STOX2: variants seen among roughly 807,000 people sequenced by gnomAD.
STOX2 encodes storkhead-box protein 2.
Under a neutral mutation model 60.9 loss-of-function variants are expected in STOX2, and 28 were observed. That is an observed-to-expected ratio of 0.46 (90% CI 0.34 to 0.63). The LOEUF is 0.63. Among genes scored for constraint, STOX2 ranks in the 30% least tolerant of loss-of-function variants. The pLI, the probability that STOX2 is intolerant of heterozygous loss-of-function variation, is 0.01. For synonymous variants in STOX2, 472 were observed against 463.9 expected, an observed-to-expected ratio of 1.02 and a Z score of -0.22; for missense variants, 1,024 against 1,187.7, an observed-to-expected ratio of 0.86 and a Z score of 2.03.
chr4:183,975,855 A>G (rs939987644), intron 1 of STOX2, among the ~76,000 whole-genome samples: 3 of 152,218 alleles, frequency 2.0e-5, no homozygotes, highest in African/African-American at 7.2e-5. Flanking sequence ...CAAACCAGAC[A>G]AAGTTAGTAC....
intron 1 of STOX2, among the ~76,000 whole-genome samples, chr4:183,843,147 CAA>C (rs60213127): frequency 1.4e-3 from 144 of 102,140 alleles, no homozygotes; most frequent in East Asian, 0.012. Flanking sequence ...GACTCCATCT[CAA>C]AAAAAAAAAA....
At chr4:183,984,735 C>T (rs1051995458) in intron 1 of STOX2, among the ~76,000 whole-genome samples, 1 of 152,204 alleles carries the variant, frequency 6.6e-6, no homozygotes, top group African/African-American at 2.4e-5. Context: ...AGGCGAGTGC[C>T]AAGCACAGCC....
At chr4:183,889,041 A>G (rs1376258796) in intron 1 of STOX2, among the ~76,000 whole-genome samples, 1 of 151,018 alleles carries the variant, frequency 6.6e-6, no homozygotes, top group Non-Finnish European at 1.5e-5. Context: ...TGCTTGGTTT[A>G]TTTTTTTTCC....
At chr4:183,829,425 TCA>T (rs1359725215) in intron 1 of STOX2, among the ~76,000 whole-genome samples, 1 of 152,246 alleles carries the variant, frequency 6.6e-6, no homozygotes, top group Admixed American at 6.5e-5. Context: ...TTTGTCTTTG[TCA>T]CACTTGCAGG....
intron 2 of STOX2, among the ~76,000 whole-genome samples, chr4:184,006,706 G>GAAAAAAAAAAA (rs1733850887): frequency 9.3e-6 from 1 of 107,700 alleles, no homozygotes; most frequent in Non-Finnish European, 2.0e-5. Context: ...AAAAAAAAAG[G>GAAAAAAAAAAA]AAAAAAGAAA....
In STOX2 at chr4:184,009,615, T is replaced by G. The variant is rs1476279789; in HGVS notation, c.777T>G (p.Ser259Arg). 1 of 1,613,740 alleles carries G rather than the reference T, an allele frequency of 6.2e-7. No homozygotes were observed. The highest frequency in any genetic ancestry group is 1.3e-5 in the African/African-American group (1 of 74,900). ...KTETLSKPKDSEKQSKKFGLK... is the reference protein window; with the variant it reads ...KTETLSKPKDREKQSKKFGLK... ...AAACTCTCTCAAAACCTAAAGATAG[T>G]GAAAAGCAGTCAAAAAAATTCGGGC... The change falls in exon 3 of 4, where the codon AGT becomes AGG. Residue 259 changes from serine to arginine, a missense_variant. This residue lies in a region of STOX2 where 922 missense variants were observed against 1,058.3 expected (regional missense o/e 0.87). Transcript: ENST00000308497. This position sits in a 1 kb window ranked among gnomAD's most constrained non-coding sequence, Gnocchi z 4.0.
At chr4:183,840,053 C>CGT (rs138745638) in intron 1 of STOX2, among the ~76,000 whole-genome samples, 2,669 of 150,414 alleles carry the variant, frequency 0.018, 48 homozygotes, top group African/African-American at 0.044. Context: ...TGTGTGTGCG[C>CGT]GTGTGTGTGT....
chr4:183,926,433 T>G (rs1742243098), intron 1 of STOX2, among the ~76,000 whole-genome samples: 1 of 152,246 alleles, frequency 6.6e-6, no homozygotes, highest in South Asian at 2.1e-4. Flanking sequence ...ATTCTTTCAT[T>G]TAATACAACA....
intron 1 of STOX2, among the ~76,000 whole-genome samples, chr4:183,923,681 T>C (rs1742162902): frequency 6.6e-6 from 1 of 152,196 alleles, no homozygotes. Flanking sequence ...TATGAGGTAG[T>C]GCTGTGGGAT....
intron 1 of STOX2, among the ~76,000 whole-genome samples, chr4:183,967,514 G>A (rs1161756343): frequency 1.3e-5 from 2 of 152,150 alleles, no homozygotes; most frequent in African/African-American, 4.8e-5. Flanking sequence ...TTAAGGAAGA[G>A]TGAAGGAAGG....
chr4:183,862,722 C>T (rs146153939), intron 1 of STOX2, among the ~76,000 whole-genome samples: 43 of 152,292 alleles, frequency 2.8e-4, no homozygotes, highest in East Asian at 2.1e-3. Context: ...GGGCAAATTG[C>T]GTTTTAAGAT....
chr4:183,948,540 CTTTTTT>C (rs10687778), intron 1 of STOX2, among the ~76,000 whole-genome samples: 3 of 78,182 alleles, frequency 3.8e-5, no homozygotes, highest in African/African-American at 4.7e-5. Flanking sequence ...ATGCCTTATC[CTTTTTT>C]TTTTTTTTTT....
intron 1 of STOX2, among the ~76,000 whole-genome samples, chr4:183,989,857 G>A (rs1272213643): frequency 6.6e-6 from 1 of 152,160 alleles, no homozygotes; most frequent in Non-Finnish European, 1.5e-5. Flanking sequence ...TGAAAGCATG[G>A]CTTTACCCCC....
intron 1 of STOX2, among the ~76,000 whole-genome samples, chr4:183,917,658 A>G (rs1741968972): frequency 6.6e-6 from 1 of 152,258 alleles, no homozygotes; most frequent in Non-Finnish European, 1.5e-5. Flanking sequence ...GCTTTTAAAA[A>G]GACTGCTTAG....
intron 1 of STOX2, among the ~76,000 whole-genome samples, chr4:183,987,252 GC>G (rs921691736): frequency 6.6e-6 from 1 of 151,840 alleles, no homozygotes; most frequent in Admixed American, 6.6e-5. Context: ...CTCAACTGCC[GC>G]CCCCGTCTTC....
At position 183,820,369 on chromosome 4, in the gene STOX2, T is replaced by C. The variant is rs570050338; in HGVS notation, c.364+22314T>C. 4.7e-4 allele frequency among the ~76,000 whole-genome samples: 71 copies of C among 152,292 alleles called. 1 individual carries two copies. The South Asian group carries it at 0.014, about 30-fold the overall frequency. ...GGAGGTGGGCCACTCCATGTCCCTT[T>C]CCTCTCCTATTGCCGCTTCTCTCAT... is the stretch of plus-strand genomic sequence containing the variant. On this transcript the variant is annotated intron_variant, in intron 1 of 2. Transcript: ENST00000513034.
rs1016324535 is a variant in STOX2, at chr4:183,806,199, T to G, written c.364+8144T>G. Among the ~76,000 whole-genome samples the G allele has an allele frequency of 2.0e-5, 3 of 152,206 alleles. No individual in the cohort carries two copies. The highest frequency in any genetic ancestry group is 7.2e-5 in the African/African-American group (3 of 41,454). On this transcript the variant is annotated intron_variant, in intron 1 of 2. Transcript: ENST00000513034. The surrounding 1 kb of genome is among the most constrained non-coding windows in gnomAD (Gnocchi z 4.1). ...ACGATTAAAGACTCCATTTTCCCAA[T>G]TTATTGTGAAGGCCCTGTAATAATT...
chr4:184,006,140 A>C (rs554171421), intron 2 of STOX2, among the ~76,000 whole-genome samples: 1 of 152,320 alleles, frequency 6.6e-6, no homozygotes, highest in Admixed American at 6.5e-5. Flanking sequence ...TCTATAATAA[A>C]ATTAAACTTT....
chr4:183,980,262 G>A (rs1420893164), intron 1 of STOX2, among the ~76,000 whole-genome samples: 1 of 152,182 alleles, frequency 6.6e-6, no homozygotes, highest in Non-Finnish European at 1.5e-5. Context: ...GATGTTAGTA[G>A]GAGAGTAGAA....
Sources: allele counts gnomAD v4.1 joint callset (sites outside exome capture counted in the v4.1 genomes callset), GRCh38; gene constraint gnomAD v4.1.1; regional missense constraint gnomAD v4.1.1; non-coding constraint Gnocchi (gnomAD v3.1); transcripts MANE v1.5; gene names NCBI Gene and HGNC (gene_info 2026-07-23, HGNC 2026-07-21).